Variants in YME1L1 observed in about 807,000 individuals in gnomAD.
The protein encoded by YME1L1 is ATP-dependent zinc metalloprotease YME1L1.
In YME1L1, 39 loss-of-function variants were observed where a neutral mutation model predicts 90.4. That is an observed-to-expected ratio of 0.43 (90% CI 0.33 to 0.56). The LOEUF (loss-of-function observed/expected upper bound fraction) is 0.56. Among genes scored for constraint, YME1L1 ranks in the 20% least tolerant of loss-of-function variants. The probability of loss-of-function intolerance (pLI) is 0.03; values close to 1 mark genes in which losing one functional copy is unlikely to be tolerated. For synonymous variants in YME1L1, 284 were observed against 287.3 expected (o/e 0.99, Z 0.12); for missense variants, 617 against 868.4 (o/e 0.71, Z 3.64).
intron 2 of YME1L1, among the ~76,000 whole-genome samples, chr10:27,147,834 CT>C (rs2057162735): frequency 6.6e-6 from 1 of 152,224 alleles, no homozygotes. Context: ...GCAGCTTCCC[CT>C]GGCACCACTC....
Position 27,134,882 on chromosome 10 carries a change from C to G in YME1L1, c.640G>C (p.Gly214Arg). The G allele has an allele frequency of 6.2e-7, 1 of 1,614,030 alleles. No homozygotes were observed. The highest frequency in any genetic ancestry group is 8.5e-7 in the Non-Finnish European group (1 of 1,179,980). The change falls in exon 6 of 19, where the codon GGT becomes CGT. Residue 214 changes from glycine to arginine, a missense_variant. Gly to Arg is a moderately radical substitution (Grantham distance 125, BLOSUM62 -2). Transcript: ENST00000376016. ...GCTTTCAGAAAACCTTCCGCAAAACCAGTTTTAAATGCATCTTGGTGAGCT... is the reference window on the plus strand; with the variant it reads ...GCTTTCAGAAAACCTTCCGCAAAACGAGTTTTAAATGCATCTTGGTGAGCT... The part of the protein sequence containing the change: ...PEAHQDAFKT[G>R]FAEGFLKAQA...
At chr10:27,143,503 T>C (rs1270282445) in intron 3 of YME1L1, among the ~76,000 whole-genome samples, 2 of 151,032 alleles carry the variant, frequency 1.3e-5, no homozygotes, top group East Asian at 3.9e-4. Flanking sequence ...ATACAGACCA[T>C]CCTGGCTAAC....
intron 4 of YME1L1, among the ~76,000 whole-genome samples, chr10:27,141,594 G>A (rs1156744391): frequency 2.3e-5 from 3 of 131,078 alleles, no homozygotes; most frequent in African/African-American, 8.6e-5. Flanking sequence ...ACAGACAGAT[G>A]TCCCTCGACA....
Position 27,149,049 on chromosome 10 carries a change from A to C in YME1L1, c.34-9T>G. The C allele has an allele frequency of 6.3e-7, 1 of 1,582,932 alleles. No homozygotes were observed. Among genetic ancestry groups the C allele is most frequent in the Non-Finnish European group, 8.5e-7 (1 of 1,171,076 alleles). ...CTCAGAGGAACTGTAACCTAGAAAA[A>C]GATAAAAGTTAAAAACTAAGTAGTT... On this transcript the variant is annotated splice_polypyrimidine_tract_variant and intron_variant, in intron 1 of 18. Coordinates refer to ENST00000376016, the MANE Select transcript of YME1L1 (RefSeq NM_014263.4).
chr10:27,131,178 A>T (rs547046172), intron 8 of YME1L1, among the ~76,000 whole-genome samples: 8 of 152,202 alleles, frequency 5.3e-5, no homozygotes, highest in African/African-American at 1.9e-4. Context: ...GCCTTCTCTC[A>T]AAACTCCCAA....
chr10:27,118,574 G>A (rs2056836411), intron 14 of YME1L1, among the ~76,000 whole-genome samples: 1 of 152,186 alleles, frequency 6.6e-6, no homozygotes, highest in Non-Finnish European at 1.5e-5. Context: ...ACAGGTGTGA[G>A]CCACCACGCC....
chr10:27,132,024 G>A (rs2056982284), intron 7 of YME1L1, 83 bp from the exon 8 acceptor site: 3 of 1,148,634 alleles, frequency 2.6e-6, no homozygotes, highest in Non-Finnish European at 3.7e-6. Flanking sequence ...AGAAAGCAAA[G>A]CCTAGAAAAA....
chr10:27,138,063 T>C (rs1314668897), intron 4 of YME1L1, among the ~76,000 whole-genome samples: 1 of 152,070 alleles, frequency 6.6e-6, no homozygotes, highest in Non-Finnish European at 1.5e-5. Context: ...TTTTTTTTGG[T>C]ATGATGTAAG....
chr10:27,143,386 A>C (rs1378739693), intron 3 of YME1L1, among the ~76,000 whole-genome samples: 1 of 149,924 alleles, frequency 6.7e-6, no homozygotes, highest in African/African-American at 2.5e-5. Context: ...AAAACAAAAC[A>C]AAACCAGTGA....
chr10:27,116,444 A>G, intron 15 of YME1L1, 99 bp from the exon 16 acceptor site: 20 of 1,366,754 alleles, frequency 1.5e-5, no homozygotes, highest in Non-Finnish European at 1.9e-5. Context: ...AGGTGGGTGG[A>G]TCACCTGAGG....
chr10:27,116,433 G>A (rs1418911556), intron 15 of YME1L1, 88 bp from the exon 16 acceptor site: 20 of 1,369,370 alleles, frequency 1.5e-5, no homozygotes, highest in East Asian at 5.5e-5. Flanking sequence ...TTTGGCAGGC[G>A]AGGTGGGTGG....
intron 14 of YME1L1, among the ~76,000 whole-genome samples, chr10:27,118,785 C>T (rs965991928): frequency 3.9e-5 from 6 of 152,080 alleles, no homozygotes; most frequent in African/African-American, 1.4e-4. Context: ...GATTTAAAAT[C>T]GAAATTAAGC....
intron 1 of YME1L1, among the ~76,000 whole-genome samples, chr10:27,149,977 G>A (rs1453199475): frequency 1.3e-5 from 2 of 152,040 alleles, no homozygotes; most frequent in African/African-American, 4.8e-5. Flanking sequence ...TTGGGAGGCA[G>A]AGGCAGGAGA....
Position 27,117,698 on chromosome 10 carries a change from T to C in YME1L1, c.1597A>G (p.Asn533Asp), listed in dbSNP as rs1426941863. 4 of 1,614,192 alleles carry C rather than the reference T, an allele frequency of 2.5e-6. No individual in the cohort carries two copies. Among genetic ancestry groups the C allele is most frequent in the South Asian group, 1.1e-5 (1 of 91,086 alleles). The change falls in exon 15 of 19, where the codon AAC becomes GAC. Residue 533 changes from asparagine to aspartate, a missense_variant. Asn to Asp is a conservative substitution (Grantham distance 23). Around this residue, in one of 4 missense-constraint regions of YME1L1, gnomAD observed 212 missense variants for 330.0 expected, o/e 0.64. Coordinates refer to ENST00000376016, the MANE Select transcript of YME1L1 (RefSeq NM_014263.4). ...GPERRSVEID[N>D]KNKTITAYHE... ...TATGCTGTGATGGTTTTGTTTTTGTTATCAATTTCCACACTTCTTCTTTCA... is the reference window on the plus strand; with the variant it reads ...TATGCTGTGATGGTTTTGTTTTTGTCATCAATTTCCACACTTCTTCTTTCA...
rs923031671 is a variant in YME1L1, at chr10:27,119,567, G to C, written c.1412-118C>G. ...CTCATGCCTGTAATCCCAGCACTTT[G>C]GGAGGCTGGGGCAGGCAGATCACCT... On this transcript the variant is annotated intron_variant, in intron 13 of 18. Coordinates refer to ENST00000376016, the MANE Select transcript of YME1L1 (RefSeq NM_014263.4). 7.7e-5 allele frequency: 85 copies of C among 1,106,346 alleles called. 1 individual carries two copies. The highest frequency in any genetic ancestry group is 6.3e-4 in the Middle Eastern group (3 of 4,758). The allele number at this position is 1,106,346 out of a possible 1,614,324, so 68.5% of individuals were successfully genotyped here. A position where few individuals can be genotyped will look rare whatever the true frequency, so the allele number is the denominator to read the frequency against.
At position 27,111,695 on chromosome 10, in the gene YME1L1, T is replaced by G. The variant is rs949292822; in HGVS notation, c.*282A>C. On this transcript the variant is annotated 3_prime_UTR_variant, in exon 19 of 19. Coordinates refer to ENST00000376016, the MANE Select transcript of YME1L1 (RefSeq NM_014263.4). ...AACCAAACATAAAATCATTAATTACTTTCAACTTAATAACTAATTGACATT... is the reference window on the plus strand; with the variant it reads ...AACCAAACATAAAATCATTAATTACGTTCAACTTAATAACTAATTGACATT... 1 of 471,112 alleles carries G rather than the reference T, an allele frequency of 2.1e-6. No homozygotes were observed. The highest frequency in any genetic ancestry group is 3.9e-6 in the Non-Finnish European group (1 of 257,642). The allele number at this position is 471,112 out of a possible 1,614,324, so 29.2% of individuals were successfully genotyped here. A position where few individuals can be genotyped will look rare whatever the true frequency, so the allele number is the denominator to read the frequency against.
chr10:27,147,109 G>C (rs753760492), intron 2 of YME1L1: 1 of 420,888 alleles, frequency 2.4e-6, no homozygotes, highest in Non-Finnish European at 4.2e-6. Context: ...AAAGAGATAG[G>C]TTATGGCCAA....
chr10:27,149,178 G>C, intron 1 of YME1L1, 138 bp from the exon 2 acceptor site: 1 of 700,454 alleles, frequency 1.4e-6, no homozygotes, highest in Non-Finnish European at 2.3e-6. Context: ...TAAGTACTCA[G>C]ATTTACTGCT....
At chr10:27,153,360 A>G in intron 1 of YME1L1, 1 of 425,736 alleles carries the variant, frequency 2.3e-6, no homozygotes, top group Admixed American at 2.7e-5. Context: ...TGCTTAAATC[A>G]AGAACCTAAG....
Sources: allele counts gnomAD v4.1 joint callset (sites outside exome capture counted in the v4.1 genomes callset), GRCh38; gene constraint gnomAD v4.1.1; regional missense constraint gnomAD v4.1.1; transcripts MANE v1.5; gene names NCBI Gene and HGNC (gene_info 2026-07-23, HGNC 2026-07-21).